The following IL18BP variants were observed in gnomAD, a reference collection of about 807,000 sequenced individuals.
IL18BP encodes interleukin-18-binding protein.
IL18BP carries 23 observed loss-of-function variants against 19.9 expected under a neutral mutation model. The ratio of observed to expected loss-of-function variants is 1.15; its 90% CI spans 0.83 to 1.64. The LOEUF (loss-of-function observed/expected upper bound fraction) is 1.64. Ranked by LOEUF, IL18BP falls within the 40% of genes most tolerant of loss-of-function variation. IL18BP has a pLI of 0.00. For missense variants in IL18BP, 239 were observed against 240.7 expected, an observed-to-expected ratio of 0.99 and a Z score of 0.05; for synonymous variants, 107 against 101.0, an observed-to-expected ratio of 1.06 and a Z score of -0.35.
intron 3 of IL18BP, among the ~76,000 whole-genome samples, 158 bp from the exon 4 acceptor site, chr11:72,001,043 A>G (rs1955192948): frequency 6.6e-6 from 1 of 152,216 alleles, no homozygotes; most frequent in Non-Finnish European, 1.5e-5. Flanking sequence ...AGACAACTGC[A>G]CTTCTGTAAC....
At chr11:72,006,137 C>T (rs371428040), downstream of IL18BP, 35 of 1,614,000 alleles carry the variant, frequency 2.2e-5, no homozygotes, top group Admixed American at 3.3e-5. Flanking sequence ...TTGCCATAAT[C>T]GGGAGAACCC....
chr11:72,003,989 G>A, downstream of IL18BP: 1 of 1,613,364 alleles, frequency 6.2e-7, no homozygotes, highest in Non-Finnish European at 8.5e-7. Context: ...TGCGAGTGTT[G>A]GGGGAAGCCT....
chr11:72,003,501 T>TGGG (rs1294466502), downstream of IL18BP: 2 of 1,611,686 alleles, frequency 1.2e-6, no homozygotes, highest in Non-Finnish European at 1.7e-6. Flanking sequence ...GGGACACAGG[T>TGGG]GGGGCCACTC....
downstream of IL18BP, among the ~76,000 whole-genome samples, chr11:72,006,752 C>A (rs1222881542): frequency 1.3e-5 from 2 of 152,182 alleles, no homozygotes; most frequent in African/African-American, 2.4e-5. Flanking sequence ...ACAGGTCCCC[C>A]CTGCTGTACC....
rs1296618971 is a variant in IL18BP at position 72,000,543 on chromosome 11, TG to T, written c.223del (p.Glu75LysfsTer4). On this transcript the variant is annotated frameshift_variant, in exon 3 of 6. Transcript: ENST00000393703. LOFTEE classifies it high-confidence loss of function. Reference sequence around the variant, plus strand: ...GCATTGGAAGTGACCTGGCCAGAGGTGGAAGTGCCACTGAGTAAGAAGCACA... The same window carrying T: ...GCATTGGAAGTGACCTGGCCAGAGGTGAAGTGCCACTGAGTAAGAAGCACA... Reference protein sequence around the residue: ...CPALEVTWPEVEVPLNGTLSL... With the variant: ...CPALEVTWPEXEVPLNGTLSL... 1.2e-6 allele frequency: 2 copies of T among 1,610,518 alleles called. No individual in the cohort carries two copies. Among genetic ancestry groups the T allele is most frequent in the East Asian group, 2.2e-5 (1 of 44,848 alleles).
chr11:72,001,923 C>T lies in IL18BP; in HGVS notation c.*62C>T. On this transcript the variant is annotated 3_prime_UTR_variant, in exon 6 of 6. Coordinates refer to ENST00000393703, the MANE Select transcript of IL18BP (RefSeq NM_001039660.2). ...CAGAGCTTGGGTCCTACCTGTCTAC[C>T]TGGAGTGAACAGTCCCTGACTGCCT... 6.2e-7 allele frequency: 1 copy of T among 1,607,814 alleles called. No homozygotes were observed. Among genetic ancestry groups the T allele is most frequent in the Non-Finnish European group, 8.5e-7 (1 of 1,176,994 alleles).
chr11:72,005,153 A>G, downstream of IL18BP: 1 of 1,418,010 alleles, frequency 7.1e-7, no homozygotes, highest in South Asian at 1.4e-5. Context: ...CCAGGGCCCT[A>G]GTGCTCAGGC....
chr11:72,006,953 C>T (rs1323860370), downstream of IL18BP, among the ~76,000 whole-genome samples: 3 of 152,252 alleles, frequency 2.0e-5, no homozygotes, highest in Non-Finnish European at 2.9e-5. Flanking sequence ...CTCAGTGCTA[C>T]GCATGGAGAG....
In IL18BP at chr11:72,001,596, G is replaced by C. The variant is rs751142550; in HGVS notation, c.507+44G>C. On this transcript the variant is annotated intron_variant, in intron 5 of 5. Coordinates refer to ENST00000393703, the MANE Select transcript of IL18BP (RefSeq NM_001039660.2). The stretch of plus-strand genomic sequence containing the variant: ...GGCCTCCAGGAACAGGAGGAGCTCT[G>C]CTTCCATATGTGGGGAGGAAAGGGT... 1.1e-5 allele frequency: 17 copies of C among 1,596,126 alleles called. No individual in the cohort carries two copies. The East Asian group carries it at 3.0e-4, about 28-fold the overall frequency.
At chr11:72,005,164 T>C, downstream of IL18BP, 1 of 1,480,430 alleles carries the variant, frequency 6.8e-7, no homozygotes. Flanking sequence ...GTGCTCAGGC[T>C]AGATCAGCAG....
chr11:72,000,348 C>G lies in IL18BP; in HGVS notation c.29-3C>G. ...CGCTGACCTGTAACTGTCCTTTCCT[C>G]AGACCTCAGCCCTTTGTGGGTCCTG... is the stretch of plus-strand genomic sequence containing the variant. On this transcript the variant is annotated splice_region_variant and splice_polypyrimidine_tract_variant and intron_variant, in intron 2 of 5. Transcript: ENST00000393703. 1 of 1,613,390 alleles carries G rather than the reference C, an allele frequency of 6.2e-7. No individual in the cohort carries two copies. The highest frequency in any genetic ancestry group is 8.5e-7 in the Non-Finnish European group (1 of 1,179,808).
At chr11:72,005,785 A>C (rs893287284), downstream of IL18BP, 3 of 545,834 alleles carry the variant, frequency 5.5e-6, no homozygotes, top group South Asian at 7.4e-5. Flanking sequence ...AGGACTCCCC[A>C]CAGCTAAGTG....
downstream of IL18BP, chr11:72,003,953 A>G (rs751031478): frequency 6.2e-7 from 1 of 1,613,446 alleles, no homozygotes; most frequent in South Asian, 1.1e-5. Flanking sequence ...TGGTGGTGGC[A>G]ATGCGCGGAG....
downstream of IL18BP, among the ~76,000 whole-genome samples, chr11:72,005,870 G>T (rs1002279428): frequency 6.6e-6 from 1 of 152,226 alleles, no homozygotes; most frequent in Non-Finnish European, 1.5e-5. Flanking sequence ...CCCTAGATGG[G>T]CAGGTAAGGA....
chr11:72,007,331 T>C, downstream of IL18BP: 1 of 1,613,400 alleles, frequency 6.2e-7, no homozygotes, highest in Non-Finnish European at 8.5e-7. Flanking sequence ...GGGAGTGAAG[T>C]AGAGACTCTC....
At chr11:72,000,203 A>G in intron 2 of IL18BP, 148 bp from the exon 3 acceptor site, 1 of 859,372 alleles carries the variant, frequency 1.2e-6, no homozygotes, top group Non-Finnish European at 1.9e-6. Context: ...CTGTTCAATA[A>G]AGGGCTAAGG....
At position 72,002,449 on chromosome 11, in the gene IL18BP, TG is replaced by T. The variant is rs1955314515; in HGVS notation, c.*593del. Reference sequence around the variant, plus strand: ...CTAATGGACTGTTCCAGGGAAGGGATGGGGGCAGCAGCTGCTTCGGATCCAC... The same window carrying T: ...CTAATGGACTGTTCCAGGGAAGGGATGGGGCAGCAGCTGCTTCGGATCCAC... On this transcript the variant is annotated 3_prime_UTR_variant, in exon 6 of 6. Transcript: ENST00000393703. 1 of 154,186 alleles carries T rather than the reference TG, an allele frequency of 6.5e-6. No homozygotes were observed. Among genetic ancestry groups the T allele is most frequent in the Non-Finnish European group, 1.4e-5 (1 of 69,634 alleles). 9.6% of individuals were successfully genotyped at this position (154,186 alleles called of 1,614,324 possible).
At chr11:72,001,667 A>G in intron 5 of IL18BP, 115 bp downstream of exon 5, 2 of 1,606,708 alleles carry the variant, frequency 1.2e-6, no homozygotes, top group East Asian at 2.2e-5. Flanking sequence ...GCATTCCTCA[A>G]GGTCAGCCAG....
downstream of IL18BP, chr11:72,004,893 C>CTG: frequency 2.2e-6 from 3 of 1,369,458 alleles, no homozygotes; most frequent in East Asian, 7.3e-5. Context: ...TCCCAGAACT[C>CTG]TACACTCGCC....
Sources: allele counts gnomAD v4.1 joint callset (sites outside exome capture counted in the v4.1 genomes callset), GRCh38; gene constraint gnomAD v4.1.1; transcripts MANE v1.5; gene names NCBI Gene and HGNC (gene_info 2026-07-23, HGNC 2026-07-21).